SGK3: variants seen among roughly 807,000 people sequenced by gnomAD.
SGK3 encodes serum/glucocorticoid regulated kinase family member 3, also known as serine/threonine-protein kinase Sgk3.
SGK3 carries 47 observed loss-of-function variants against 68.5 expected under a neutral mutation model. The ratio of observed to expected loss-of-function variants is 0.69; its 90% CI spans 0.54 to 0.87. SGK3 has a LOEUF of 0.87. Among genes scored for constraint, SGK3 ranks in the 40% least tolerant of loss-of-function variants. SGK3 has a pLI of 0.00. For missense variants in SGK3, 479 were observed against 575.5 expected, an observed-to-expected ratio of 0.83 and a Z score of 1.72; for synonymous variants, 181 against 189.1, an observed-to-expected ratio of 0.96 and a Z score of 0.35.
rs188890902 is a variant in SGK3 at position 66,745,947 on chromosome 8, C to T, written c.-122+33114C>T. ...TCCCAAAAGAGCCCACCTCCCAACA[C>T]CTGTGCTTAGGGGATTAAGTTTCAA... is the stretch of plus-strand genomic sequence containing the variant. On this transcript the variant is annotated intron_variant, in intron 1 of 16. Coordinates refer to ENST00000521198, the MANE Select transcript of SGK3 (RefSeq NM_001033578.3). Among the ~76,000 whole-genome samples, 109 of 152,248 alleles carry T rather than the reference C, an allele frequency of 7.2e-4. No homozygotes were observed. The East Asian group carries it at 0.014, about 20-fold the overall frequency.
At chr8:66,740,886 G>A (rs1346545141) in intron 1 of SGK3, among the ~76,000 whole-genome samples, 3 of 148,228 alleles carry the variant, frequency 2.0e-5, no homozygotes, top group Non-Finnish European at 4.5e-5. Context: ...CAGCCTGGGC[G>A]GCAGGGTGAG....
intron 4 of SGK3, among the ~76,000 whole-genome samples, chr8:66,806,043 C>G (rs1808146643): frequency 6.6e-6 from 1 of 152,166 alleles, no homozygotes; most frequent in Admixed American, 6.5e-5. Context: ...TACATTCTTC[C>G]TTTAATTAAA....
chr8:66,841,241 AAAT>A, intron 13 of SGK3, 131 bp downstream of exon 13: 3 of 678,200 alleles, frequency 4.4e-6, no homozygotes, highest in Non-Finnish European at 4.4e-6. Context: ...AGCCAGCTGG[AAAT>A]ACCTGATAAT....
chr8:66,733,863 G>C (rs1413297345), intron 1 of SGK3, among the ~76,000 whole-genome samples: 1 of 152,118 alleles, frequency 6.6e-6, no homozygotes, highest in Non-Finnish European at 1.5e-5. Flanking sequence ...TGATTTATTT[G>C]AAAACAAAGG....
At chr8:66,849,892 T>A (rs1450761641) in intron 15 of SGK3, among the ~76,000 whole-genome samples, 1 of 152,128 alleles carries the variant, frequency 6.6e-6, no homozygotes, top group Non-Finnish European at 1.5e-5. Flanking sequence ...GGTGGTGGTT[T>A]AAAAAACATT....
intron 1 of SGK3, among the ~76,000 whole-genome samples, chr8:66,775,020 CT>C (rs1563620522): frequency 6.6e-6 from 1 of 152,256 alleles, no homozygotes; most frequent in Admixed American, 6.5e-5. Flanking sequence ...GGCTTCCCGC[CT>C]TTCCTCCCCC....
chr8:66,747,108 A>G (rs1409499995), intron 1 of SGK3, among the ~76,000 whole-genome samples: 4 of 152,082 alleles, frequency 2.6e-5, no homozygotes, highest in Admixed American at 6.6e-5. Flanking sequence ...AGATTTTGAC[A>G]GGCTAGTGTT....
chr8:66,719,858 G>A (rs2130329258), intron 1 of SGK3, among the ~76,000 whole-genome samples: 1 of 152,300 alleles, frequency 6.6e-6, no homozygotes, highest in East Asian at 1.9e-4. Context: ...TCGCTCATTG[G>A]CAAGCGGCTA....
chr8:66,786,925 C>CT lies in SGK3; in HGVS notation c.-121-6661dup, dbSNP rs71249407. 1.2e-3 allele frequency among the ~76,000 whole-genome samples: 57 copies of CT among 48,698 alleles called. 6 individuals are homozygous for CT. The highest frequency in any genetic ancestry group is 3.7e-3 in the African/African-American group (44 of 12,050). 31.9% of individuals were successfully genotyped at this position (48,698 alleles called of 152,430 possible). Reference sequence around the variant, plus strand: ...TCTGTGAGGGTAGGATTTTCTCTGTCTTTTTTTTTTTTTTTTTTTTTTTTT... The same window carrying CT: ...TCTGTGAGGGTAGGATTTTCTCTGTCTTTTTTTTTTTTTTTTTTTTTTTTTT... On this transcript the variant is annotated intron_variant, in intron 1 of 16. Coordinates refer to ENST00000521198, the MANE Select transcript of SGK3 (RefSeq NM_001033578.3).
At chr8:66,716,616 G>A (rs1804640943) in intron 1 of SGK3, among the ~76,000 whole-genome samples, 1 of 152,084 alleles carries the variant, frequency 6.6e-6, no homozygotes, top group South Asian at 2.1e-4. Flanking sequence ...AATTGTTAGA[G>A]GATGAGGGAC....
At chr8:66,772,942 GAAAAC>G (rs1416881836) in intron 1 of SGK3, among the ~76,000 whole-genome samples, 1 of 152,134 alleles carries the variant, frequency 6.6e-6, no homozygotes, top group African/African-American at 2.4e-5. Flanking sequence ...CTAAATAGCA[GAAAAC>G]AAAACAAAGT....
chr8:66,775,502 A>AC (rs1806668168), intron 1 of SGK3: 1 of 152,148 alleles, frequency 6.6e-6, no homozygotes, highest in Non-Finnish European at 1.5e-5. Context: ...CCTCCTGTGA[A>AC]CCCCTGAGAG....
At chr8:66,783,249 A>G (rs1205622477) in intron 1 of SGK3, among the ~76,000 whole-genome samples, 1 of 152,198 alleles carries the variant, frequency 6.6e-6, no homozygotes, top group Non-Finnish European at 1.5e-5. Context: ...TGCATTTGCC[A>G]TCTGTATGTC....
intron 6 of SGK3, among the ~76,000 whole-genome samples, chr8:66,828,076 A>G (rs1809137949): frequency 6.6e-6 from 1 of 151,960 alleles, no homozygotes; most frequent in Non-Finnish European, 1.5e-5. Context: ...GTGAGCCGAG[A>G]TCACGCCACA....
At chr8:66,851,973 T>C (rs180974203) in intron 16 of SGK3, among the ~76,000 whole-genome samples, 123 of 152,312 alleles carry the variant, frequency 8.1e-4, no homozygotes, top group Non-Finnish European at 1.3e-3. Context: ...AGATGTCTCA[T>C]AGCTGGATAG....
intron 1 of SGK3, among the ~76,000 whole-genome samples, chr8:66,791,028 A>T (rs1807433248): frequency 2.6e-5 from 4 of 152,134 alleles, no homozygotes; most frequent in Admixed American, 2.0e-4. Context: ...GTTAACTAAG[A>T]TGTTGTGGGC....
At chr8:66,793,556 A>G (rs1807551970) in intron 1 of SGK3, 60 bp from the exon 2 acceptor site, 2 of 520,958 alleles carry the variant, frequency 3.8e-6, no homozygotes, top group Non-Finnish European at 6.8e-6. Context: ...TTAAAGAATG[A>G]CAGTCATAGT....
In SGK3 at chr8:66,750,906, C is replaced by A. The variant is rs554706088; in HGVS notation, c.-122+38073C>A. 4.7e-5 allele frequency among the ~76,000 whole-genome samples: 7 copies of A among 150,320 alleles called. No individual in the cohort carries two copies. The South Asian group carries it at 1.5e-3, about 32-fold the overall frequency. The stretch of plus-strand genomic sequence containing the variant: ...CCTATAGTCTCAACTGCTTGGGAGG[C>A]TGAGGTGGGAGGATTGCTTGAGCCC... On this transcript the variant is annotated intron_variant, in intron 1 of 16. Transcript: ENST00000521198.
intron 1 of SGK3, among the ~76,000 whole-genome samples, chr8:66,716,200 C>G (rs1804626019): frequency 6.6e-6 from 1 of 152,166 alleles, no homozygotes; most frequent in Admixed American, 6.5e-5. Context: ...ATTTCACTCT[C>G]CCCTGCCCAG....
Sources: allele counts gnomAD v4.1 joint callset (sites outside exome capture counted in the v4.1 genomes callset), GRCh38; gene constraint gnomAD v4.1.1; transcripts MANE v1.5; gene names NCBI Gene and HGNC (gene_info 2026-07-23, HGNC 2026-07-21).